CNTNAP4: variants seen among roughly 807,000 people sequenced by gnomAD.
CNTNAP4 encodes the protein contactin-associated protein-like 4.
CNTNAP4 carries 98 observed loss-of-function variants against 148.4 expected under a neutral mutation model. That is an observed-to-expected ratio of 0.66 (90% CI 0.56 to 0.78). The LOEUF is 0.78. Among genes scored for constraint, CNTNAP4 ranks in the 30% least tolerant of loss-of-function variants. The pLI is 0.00. For synonymous variants in CNTNAP4, 730 were observed against 565.1 expected (o/e 1.29, Z -4.14); for missense variants, 1,935 against 1,565.6 (o/e 1.24, Z -3.98).
intron 10 of CNTNAP4, among the ~76,000 whole-genome samples, chr16:76,471,563 C>A (rs2081377445): frequency 6.6e-6 from 1 of 152,098 alleles, no homozygotes; most frequent in Admixed American, 6.5e-5. Context: ...AGGTTCTGGC[C>A]TCCAGCCTCC....
chr16:76,433,472 TA>T (rs1224021822), intron 4 of CNTNAP4, among the ~76,000 whole-genome samples: 2 of 152,154 alleles, frequency 1.3e-5, no homozygotes, highest in East Asian at 3.9e-4. Context: ...CTTTATTATT[TA>T]AAAAAATTCC....
At chr16:76,411,549 G>A (rs1388395158) in intron 3 of CNTNAP4, among the ~76,000 whole-genome samples, 2 of 151,132 alleles carry the variant, frequency 1.3e-5, no homozygotes, top group East Asian at 3.9e-4. Flanking sequence ...GCTCTTTATG[G>A]TATAATGCAT....
At position 76,540,807 on chromosome 16, in the gene CNTNAP4, A is replaced by G. The variant is rs764121044; in HGVS notation, c.3442+17A>G. ...GGATTTTAGGTAAGTGAAAGAAACA[A>G]CCTTTCCCCTAACCATGCTAATCAT... On this transcript the variant is annotated intron_variant, in intron 21 of 23. Transcript: ENST00000611870. 12 of 1,515,702 alleles carry G rather than the reference A, an allele frequency of 7.9e-6. No individual in the cohort carries two copies. Among genetic ancestry groups the G allele is most frequent in the Non-Finnish European group, 1.1e-5 (12 of 1,113,940 alleles). The allele number at this position is 1,515,702 out of a possible 1,614,324, so 93.9% of individuals were successfully genotyped here.
intron 3 of CNTNAP4, among the ~76,000 whole-genome samples, chr16:76,393,160 C>A (rs1282694379): frequency 1.3e-5 from 2 of 152,150 alleles, no homozygotes; most frequent in East Asian, 3.9e-4. Context: ...ACCAACAAAC[C>A]CCTATCTAGC....
At chr16:76,444,028 A>T (rs2080144465) in intron 4 of CNTNAP4, among the ~76,000 whole-genome samples, 1 of 152,202 alleles carries the variant, frequency 6.6e-6, no homozygotes, top group African/African-American at 2.4e-5. Context: ...ACATGTATCA[A>T]AGAAGTATTT....
chr16:76,477,635 A>G (rs2081641396), intron 11 of CNTNAP4, among the ~76,000 whole-genome samples: 1 of 152,176 alleles, frequency 6.6e-6, no homozygotes, highest in Admixed American at 6.5e-5. Context: ...GAGGTGCCTC[A>G]TAAGATTTTT....
rs542668643 is a variant in CNTNAP4, at chr16:76,480,005, T to G, written c.1882+467T>G. ...TTACCAATAGAAGGAAGTTACCTTG[T>G]TTCGATAAAGACCAGAAAACTTTAC... is the stretch of plus-strand genomic sequence containing the variant. On this transcript the variant is annotated intron_variant, in intron 12 of 23. Coordinates refer to ENST00000611870, the MANE Select transcript of CNTNAP4 (RefSeq NM_033401.5). Among the ~76,000 whole-genome samples, 6 of 152,286 alleles carry G rather than the reference T, an allele frequency of 3.9e-5. No homozygotes were observed. In the South Asian group the frequency reaches 1.0e-3, roughly 26 times the overall value.
chr16:76,326,157 T>A (rs991710649), intron 2 of CNTNAP4, among the ~76,000 whole-genome samples: 3 of 152,088 alleles, frequency 2.0e-5, no homozygotes, highest in Admixed American at 2.0e-4. Context: ...CCAAACAGTG[T>A]CAAGGACAAA....
At position 76,283,575 on chromosome 16, in the gene CNTNAP4, G is replaced by T. The variant is rs183565352; in HGVS notation, c.85+5828G>T. Among the ~76,000 whole-genome samples, 188 of 152,036 alleles carry T rather than the reference G, an allele frequency of 1.2e-3. 3 individuals carry two copies. The highest frequency in any genetic ancestry group is 1.6e-3 in the Non-Finnish European group (110 of 67,886). ...ACAAGGGAACAGAAAACCAAATACT[G>T]CATGTTCTCACTTATAAGTGGGAGC... On this transcript the variant is annotated intron_variant, in intron 1 of 23. Transcript: ENST00000611870.
chr16:76,423,747 C>T (rs2079275321), intron 3 of CNTNAP4, among the ~76,000 whole-genome samples: 1 of 152,086 alleles, frequency 6.6e-6, no homozygotes, highest in Non-Finnish European at 1.5e-5. Context: ...GAAAAAATTT[C>T]AACAAGTGGA....
intron 15 of CNTNAP4, among the ~76,000 whole-genome samples, chr16:76,503,565 C>T (rs139393452): frequency 0.019 from 2,874 of 152,186 alleles, 33 homozygotes; most frequent in African/African-American, 0.026. Context: ...TTCTAGGGTA[C>T]ATGTGCACAA....
Position 76,507,548 on chromosome 16 carries a change from T to G in CNTNAP4, c.2365+8854T>G, listed in dbSNP as rs1263096725. ...GTTCCATCCATATTGTTGCAAATGA[T>G]GGATTCTCATTTTATATGGCTGAAA... On this transcript the variant is annotated intron_variant, in intron 15 of 23. Transcript: ENST00000611870. Among the ~76,000 whole-genome samples, 3 of 97,432 alleles carry G rather than the reference T, an allele frequency of 3.1e-5. 1 individual carries two copies. The highest frequency in any genetic ancestry group is 7.7e-5 in the African/African-American group (3 of 38,904). 63.9% of individuals were successfully genotyped at this position (97,432 alleles called of 152,430 possible). A position where few individuals can be genotyped will look rare whatever the true frequency, so the allele number is the denominator to read the frequency against.
chr16:76,304,596 C>G (rs1032802463), intron 1 of CNTNAP4, among the ~76,000 whole-genome samples: 1 of 152,078 alleles, frequency 6.6e-6, no homozygotes, highest in South Asian at 2.1e-4. Context: ...TGGGAGGGAT[C>G]CAGTTTTGTG....
At position 76,539,838 on chromosome 16, in the gene CNTNAP4, G is replaced by A. The variant is rs368527738; in HGVS notation, c.3340G>A (p.Val1114Met). The change falls in exon 20 of 24, where the codon GTG (valine) becomes ATG (methionine). Residue 1114 changes from valine (V) to methionine (M), a missense_variant. Val to Met is a conservative substitution (Grantham distance 21, BLOSUM62 1). Coordinates refer to ENST00000611870, the MANE Select transcript of CNTNAP4 (RefSeq NM_033401.5). ...CATAATGATTAACAGAGAAGAAGGAGTGGTCTTTATAGAGGTAATGTAGTA... is the reference window on the plus strand; with the variant it reads ...CATAATGATTAACAGAGAAGAAGGAATGGTCTTTATAGAGGTAATGTAGTA... ...HHIMINREEGVVFIEIDDNRR... is the reference protein window; with the variant it reads ...HHIMINREEGMVFIEIDDNRR... 22 of 1,594,586 alleles carry A rather than the reference G, an allele frequency of 1.4e-5. No individual in the cohort carries two copies. In the African/African-American group the frequency reaches 2.2e-4, roughly 16 times the overall value.
intron 1 of CNTNAP4, among the ~76,000 whole-genome samples, chr16:76,287,037 A>G (rs7186196): frequency 0.086 from 13,022 of 152,134 alleles, 1,871 homozygotes; most frequent in African/African-American, 0.3. Flanking sequence ...CTGTGTCACA[A>G]TCCTGTTAAG....
At chr16:76,351,921 A>C (rs1311322121) in intron 2 of CNTNAP4, among the ~76,000 whole-genome samples, 3 of 152,218 alleles carry the variant, frequency 2.0e-5, no homozygotes, top group African/African-American at 4.8e-5. Context: ...GAGGCATGGA[A>C]ATGCAAGAGA....
At chr16:76,454,302 A>G (rs1432378138) in intron 8 of CNTNAP4, among the ~76,000 whole-genome samples, 2 of 152,000 alleles carry the variant, frequency 1.3e-5, no homozygotes, top group African/African-American at 4.8e-5. Context: ...TTTAGTTGAG[A>G]CAGGGTTTCT....
At chr16:76,427,168 C>A (rs1397208638) in intron 3 of CNTNAP4, among the ~76,000 whole-genome samples, 2 of 152,134 alleles carry the variant, frequency 1.3e-5, no homozygotes, top group Admixed American at 6.6e-5. Flanking sequence ...TACGTTTAAT[C>A]TACACTTTAC....
intron 14 of CNTNAP4, among the ~76,000 whole-genome samples, chr16:76,496,085 T>TTGTGTGTGTGTGTGTGTGTGTG (rs5817999): frequency 2.7e-4 from 38 of 140,164 alleles, no homozygotes; most frequent in Non-Finnish European, 3.8e-4. Flanking sequence ...CAAGATTATG[T>TTGTGTGTGTGTGTGTGTGTGTG]TGTGTGTGTG....
Sources: gnomAD v4.1 joint callset for allele counts (sites outside exome capture counted in the v4.1 genomes callset) on GRCh38, gnomAD v4.1.1 for gene constraint, MANE v1.5 for transcripts, NCBI Gene and HGNC (gene_info 2026-07-23, HGNC 2026-07-21) for gene names.